The following TTK variants were observed in gnomAD, a reference collection of about 807,000 sequenced individuals.
TTK encodes TTK protein kinase, also known as dual specificity protein kinase TTK.
In TTK, 59 loss-of-function variants were observed where a neutral mutation model predicts 117.3. The ratio of observed to expected loss-of-function variants is 0.50; its 90% CI spans 0.41 to 0.62. TTK has a LOEUF of 0.62. TTK is among the 20% of genes least tolerant of loss of function. The pLI is 0.00. For missense variants in TTK, 921 were observed against 989.4 expected (o/e 0.93, Z 0.93); for synonymous variants, 302 against 325.0 (o/e 0.93, Z 0.76).
chr6:80,013,172 A>G (rs1452230083), intron 8 of TTK, 107 bp from the exon 9 acceptor site: 9 of 858,284 alleles, frequency 1.0e-5, no homozygotes, highest in Admixed American at 2.7e-5. Context: ...ATTTTTTTCA[A>G]TAAAAAGTAT....
chr6:80,027,443 G>C (rs1767635232), intron 12 of TTK, among the ~76,000 whole-genome samples: 1 of 152,124 alleles, frequency 6.6e-6, no homozygotes, highest in South Asian at 2.1e-4. Flanking sequence ...TAGCAAAAAG[G>C]CAAACAAAGC....
intron 11 of TTK, among the ~76,000 whole-genome samples, chr6:80,025,392 C>A (rs1035586875): frequency 6.6e-6 from 1 of 152,120 alleles, no homozygotes; most frequent in East Asian, 1.9e-4. Context: ...TTCTCAAGTG[C>A]GTAATGAGGA....
At chr6:80,039,587 T>C (rs752330871) in intron 18 of TTK, 109 bp from the exon 19 acceptor site, 227 of 790,158 alleles carry the variant, frequency 2.9e-4, no homozygotes, top group Admixed American at 2.9e-4. Flanking sequence ...GTAGTACACA[T>C]TCATTGAGAT....
At chr6:80,028,615 G>T (rs1767673164) in intron 13 of TTK, among the ~76,000 whole-genome samples, 1 of 152,088 alleles carries the variant, frequency 6.6e-6, no homozygotes, top group Admixed American at 6.6e-5. Flanking sequence ...ACTGCGCCTG[G>T]CCAGCGTTAC....
rs549100895 is a variant in TTK at position 80,017,822 on chromosome 6, C to T, written c.1108+3236C>T. 3.9e-4 allele frequency among the ~76,000 whole-genome samples: 59 copies of T among 152,260 alleles called. 1 individual carries two copies. In the East Asian group the frequency reaches 9.4e-3, roughly 24 times the overall value. On this transcript the variant is annotated intron_variant, in intron 10 of 21. Transcript: ENST00000369798. ...TAAGTTTTACAGCTCAATAACCTAG[C>T]ATATCTTTTCATTCATTTAAAGTAA...
chr6:80,036,443 G>C, intron 16 of TTK, 32 bp from the exon 17 acceptor site: 1 of 1,576,826 alleles, frequency 6.3e-7, no homozygotes, highest in Admixed American at 1.8e-5. Context: ...GTTTTGCATT[G>C]TTTAATATTA....
At chr6:80,020,545 A>G (rs239574) in intron 10 of TTK, among the ~76,000 whole-genome samples, 93,979 of 152,082 alleles carry the variant, frequency 0.62, 29,488 homozygotes, top group Admixed American at 0.73. Flanking sequence ...GTAGTTAAAG[A>G]TTAACCATTT....
At position 80,039,803 on chromosome 6, in the gene TTK, C is replaced by A; in HGVS notation, c.2238C>A (p.Ala746=). 1 of 1,586,524 alleles carries A rather than the reference C, an allele frequency of 6.3e-7. No homozygotes were observed. The highest frequency in any genetic ancestry group is 1.2e-5 in the South Asian group (1 of 85,362). Residue 746 remains alanine (A), a synonymous_variant, in exon 19 of 22, where the codon GCC becomes GCA. Coordinates refer to ENST00000369798, the MANE Select transcript of TTK (RefSeq NM_003318.5). ...TTAATCAGATTTCTAAATTACATGC[C>A]ATAATTGATCCTAATCATGAAATTG... ...QIINQISKLH[A]IIDPNHEIEF...
intron 1 of TTK, 128 bp from the exon 2 acceptor site, chr6:80,005,714 A>G: frequency 1.0e-6 from 1 of 983,670 alleles, no homozygotes; most frequent in Non-Finnish European, 1.5e-6. Flanking sequence ...ATACTAGCCT[A>G]ATAATAGCTG....
At chr6:80,015,546 C>T (rs1767284564) in intron 10 of TTK, among the ~76,000 whole-genome samples, 1 of 152,082 alleles carries the variant, frequency 6.6e-6, no homozygotes. Context: ...CCAAGAATGC[C>T]TCAGTCCCAG....
At chr6:80,036,078 A>G (rs987304563) in intron 16 of TTK, among the ~76,000 whole-genome samples, 1 of 151,988 alleles carries the variant, frequency 6.6e-6, no homozygotes, top group African/African-American at 2.4e-5. Context: ...ATAATTTGTG[A>G]TGCTCTCTAG....
At chr6:80,006,138 GT>G in intron 2 of TTK, 156 bp downstream of exon 2, 1 of 945,346 alleles carries the variant, frequency 1.1e-6, no homozygotes, top group Non-Finnish European at 1.6e-6. Flanking sequence ...GTTTTTGTCT[GT>G]TATATCCACA....
chr6:80,009,989 A>G (rs1767100485), intron 4 of TTK, among the ~76,000 whole-genome samples: 3 of 152,096 alleles, frequency 2.0e-5, no homozygotes, highest in Admixed American at 2.0e-4. Context: ...GTAAATGTAG[A>G]TGTAAGCACT....
Position 80,013,325 on chromosome 6 carries a change from A to G in TTK, c.943A>G (p.Lys315Glu). 6.2e-7 allele frequency: 1 copy of G among 1,603,800 alleles called. No homozygotes were observed. The highest frequency in any genetic ancestry group is 8.5e-7 in the Non-Finnish European group (1 of 1,176,822). ...ECRDLVVPGS[K>E]PSGNDSCELR... ...CCGAGATTTGGTTGTGCCTGGATCT[A>G]AACCAAGTGGAAATGATTCCTGTGA... The change falls in exon 9 of 22, where the codon AAA becomes GAA. Residue 315 changes from lysine to glutamate, a missense_variant. Physicochemically the swap from Lys to Glu is moderately conservative, Grantham distance 56. Coordinates refer to ENST00000369798, the MANE Select transcript of TTK (RefSeq NM_003318.5).
chr6:80,033,935 T>C (rs1767823654), intron 14 of TTK, among the ~76,000 whole-genome samples: 1 of 152,118 alleles, frequency 6.6e-6, no homozygotes, highest in Admixed American at 6.6e-5. Flanking sequence ...TTAATAGAGG[T>C]ATTTATTTAC....
intron 2 of TTK, 60 bp downstream of exon 2, chr6:80,006,042 A>C: frequency 6.5e-7 from 1 of 1,549,210 alleles, no homozygotes; most frequent in African/African-American, 1.4e-5. Flanking sequence ...TAAGGTAAAG[A>C]TATAGTACTA....
intron 18 of TTK, among the ~76,000 whole-genome samples, chr6:80,039,213 T>G (rs1186228648): frequency 6.6e-6 from 1 of 152,060 alleles, no homozygotes; most frequent in Admixed American, 6.6e-5. Context: ...TTGAGGATTT[T>G]GGACACAAGC....
rs941639460 is a variant in TTK, at chr6:80,011,727, A to G, written c.729-2A>G. The G allele has an allele frequency of 6.2e-7, 1 of 1,612,404 alleles. No individual in the cohort carries two copies. Among genetic ancestry groups the G allele is most frequent in the Admixed American group, 1.7e-5 (1 of 59,802 alleles). ...AATTGGGGGTATTTTCTTTCTGTTT[A>G]GAGAGAACATGCCACCACAAGATGC... On this transcript the variant is annotated splice_acceptor_variant, in intron 6 of 21. Transcript: ENST00000369798. LOFTEE classifies it high-confidence loss of function.
At chr6:80,032,122 TC>T (rs2127680979) in intron 14 of TTK, among the ~76,000 whole-genome samples, 1 of 152,324 alleles carries the variant, frequency 6.6e-6, no homozygotes, top group African/African-American at 2.4e-5. Flanking sequence ...TTCAATTAAA[TC>T]TACTTCCATT....
Sources: allele counts gnomAD v4.1 joint callset (sites outside exome capture counted in the v4.1 genomes callset), GRCh38; gene constraint gnomAD v4.1.1; transcripts MANE v1.5; gene names NCBI Gene and HGNC (gene_info 2026-07-23, HGNC 2026-07-21).